Variants in AKT1 observed in about 807,000 individuals in gnomAD.
AKT1 encodes the protein RAC-alpha serine/threonine-protein kinase.
Under a neutral mutation model 63.1 loss-of-function variants are expected in AKT1, and 21 were observed. The ratio of observed to expected loss-of-function variants is 0.33; its 90% CI spans 0.24 to 0.48. AKT1 has a LOEUF of 0.48. Among genes scored for constraint, AKT1 ranks in the 20% least tolerant of loss-of-function variants. AKT1 has a pLI of 0.99. For missense variants in AKT1, 382 were observed against 666.0 expected, an observed-to-expected ratio of 0.57 and a Z score of 4.69; for synonymous variants, 257 against 253.1, an observed-to-expected ratio of 1.02 and a Z score of -0.15.
At chr14:104,780,513 G>A (rs1487375280) in intron 3 of AKT1, among the ~76,000 whole-genome samples, 3 of 152,176 alleles carry the variant, frequency 2.0e-5, no homozygotes, top group African/African-American at 7.2e-5. Flanking sequence ...AGGAGGCTGG[G>A]AAGAGGTCTG....
chr14:104,788,962 C>G (rs1893481878), intron 3 of AKT1, among the ~76,000 whole-genome samples: 1 of 152,222 alleles, frequency 6.6e-6, no homozygotes, highest in Non-Finnish European at 1.5e-5. Context: ...CCCGGCCAGG[C>G]ACCCAGATCC....
intron 3 of AKT1, among the ~76,000 whole-genome samples, chr14:104,789,395 C>T (rs1239140303): frequency 6.6e-6 from 1 of 152,232 alleles, no homozygotes; most frequent in Admixed American, 6.5e-5. Flanking sequence ...TGCAGCCAGG[C>T]TGGTGCACGG....
At chr14:104,774,682 C>T (rs568908209) in intron 8 of AKT1, 9 of 521,756 alleles carry the variant, frequency 1.7e-5, no homozygotes, top group East Asian at 9.6e-5. Flanking sequence ...CCTGGAGCCT[C>T]GGCAGAGTGC....
intron 8 of AKT1, chr14:104,774,687 G>A: frequency 1.9e-6 from 1 of 524,616 alleles, no homozygotes; most frequent in Non-Finnish European, 3.4e-6. Context: ...AGCCTCGGCA[G>A]AGTGCAAGGA....
At chr14:104,783,040 G>C (rs894483197) in intron 3 of AKT1, among the ~76,000 whole-genome samples, 2 of 152,158 alleles carry the variant, frequency 1.3e-5, no homozygotes, top group African/African-American at 4.8e-5. Flanking sequence ...GACGGGGCAG[G>C]TGGAGGAGAC....
chr14:104,776,721 G>T lies in AKT1; in HGVS notation c.225C>A (p.Ile75=), dbSNP rs587778019. Residue 75 remains isoleucine (I), a synonymous_variant, in exon 5 of 15, where the codon ATC becomes ATA. Coordinates refer to ENST00000649815, the MANE Select transcript of AKT1 (RefSeq NM_001382430.1). ...TGACAGTGGTCCACTGCAGGCAGCG[G>T]ATGATGAAGGTGTTGGGCCGGGGCC... is the stretch of plus-strand genomic sequence containing the variant. ...TERPRPNTFI[I]RCLQWTTVIE... The T allele has an allele frequency of 1.9e-6, 3 of 1,613,500 alleles. No homozygotes were observed. Among genetic ancestry groups the T allele is most frequent in the Non-Finnish European group, 2.5e-6 (3 of 1,179,862 alleles).
chr14:104,793,870 G>A (rs1044574669), intron 1 of AKT1: 1 of 152,258 alleles, frequency 6.6e-6, no homozygotes, highest in African/African-American at 2.4e-5. Context: ...CTGAGGGGAG[G>A]AGGGTCCTCT....
chr14:104,787,054 C>T (rs967849642), intron 3 of AKT1, among the ~76,000 whole-genome samples: 2 of 152,076 alleles, frequency 1.3e-5, no homozygotes, highest in Non-Finnish European at 2.9e-5. Context: ...TCACCGGGCC[C>T]GCCTGGGGGG....
At chr14:104,773,616 C>T (rs571107606) in intron 9 of AKT1, 36 bp from the exon 10 acceptor site, 137 of 1,580,844 alleles carry the variant, frequency 8.7e-5, no homozygotes, top group African/African-American at 2.9e-4. Flanking sequence ...AGCCGTGGCT[C>T]GGGCCTCTGC....
chr14:104,775,311 G>A (rs1409900999), intron 6 of AKT1, 104 bp from the exon 7 acceptor site: 1 of 1,559,364 alleles, frequency 6.4e-7, no homozygotes, highest in Non-Finnish European at 8.6e-7. Context: ...GGCAGAGCCA[G>A]GAGAGGCGTC....
rs587778018 is a variant in AKT1, at chr14:104,770,411, A to G, written c.1373T>C (p.Met458Thr). 3.3e-5 allele frequency: 53 copies of G among 1,611,304 alleles called. No individual in the cohort carries two copies. The East Asian group carries it at 1.0e-3, about 31-fold the overall frequency. The change falls in exon 15 of 15, where the codon ATG becomes ACG. Residue 458 changes from methionine to threonine, a missense_variant. Met to Thr is a moderately conservative substitution (Grantham distance 81, BLOSUM62 -1). This residue lies in a region of AKT1 where 90 missense variants were observed against 120.5 expected (regional missense o/e 0.75). Coordinates refer to ENST00000649815, the MANE Select transcript of AKT1 (RefSeq NM_001382430.1). The part of the protein sequence containing the change: ...TITPPDQDDS[M>T]ECVDSERRPH... ...CCTGCGCTCGCTGTCCACACACTCCATGCTGTCATCTGTGGGTGTAGACAG... is the reference window on the plus strand; with the variant it reads ...CCTGCGCTCGCTGTCCACACACTCCGTGCTGTCATCTGTGGGTGTAGACAG...
intron 3 of AKT1, among the ~76,000 whole-genome samples, chr14:104,789,651 G>C (rs1036817686): frequency 1.3e-5 from 2 of 152,216 alleles, no homozygotes; most frequent in Non-Finnish European, 2.9e-5. Context: ...AAACGTCTGA[G>C]CAACACTGAG....
chr14:104,777,661 G>A (rs961353858), intron 4 of AKT1: 10 of 986,376 alleles, frequency 1.0e-5, no homozygotes, highest in South Asian at 4.7e-5. Flanking sequence ...GTGTGTAGCC[G>A]CTGGGGCTCC....
intron 3 of AKT1, among the ~76,000 whole-genome samples, chr14:104,788,996 C>G (rs886727459): frequency 1.3e-5 from 2 of 152,232 alleles, no homozygotes; most frequent in African/African-American, 4.8e-5. Context: ...GCTGCCCACA[C>G]ACTCAGGAGC....
At chr14:104,780,939 G>A (rs1187548095) in intron 3 of AKT1, among the ~76,000 whole-genome samples, 1 of 152,204 alleles carries the variant, frequency 6.6e-6, no homozygotes, top group African/African-American at 2.4e-5. Context: ...CACAGAGGGT[G>A]CCAAGTCCCC....
intron 5 of AKT1, 25 bp downstream of exon 5, chr14:104,776,634 G>C (rs1892731026): frequency 1.2e-6 from 2 of 1,603,540 alleles, no homozygotes; most frequent in Non-Finnish European, 1.7e-6. Context: ...CCAAGTGCCT[G>C]GCCTGGCCGC....
In AKT1 at chr14:104,775,656, C is replaced by T. The variant is rs1060503071; in HGVS notation, c.431G>A (p.Arg144His). 9.9e-6 allele frequency: 16 copies of T among 1,613,766 alleles called. No homozygotes were observed. The highest frequency in any genetic ancestry group is 8.9e-5 in the East Asian group (4 of 44,880). ...MEVSLAKPKH[R>H]VTMNEFEYLK... ...AGAAGTGGGGACAGGCCTCACCACGCGGTGCTTGGGCTTGGCCAGGGACAC... is the reference window on the plus strand; with the variant it reads ...AGAAGTGGGGACAGGCCTCACCACGTGGTGCTTGGGCTTGGCCAGGGACAC... The change falls in exon 6 of 15, where the codon CGC (arginine) becomes CAC (histidine). Residue 144 changes from arginine to histidine, a missense_variant. By Grantham distance (29) the Arg-to-His change is conservative. This residue lies in a region of AKT1 where 226 missense variants were observed against 366.4 expected (regional missense o/e 0.62). Transcript: ENST00000649815.
At chr14:104,771,333 G>T in intron 13 of AKT1, 1 of 248,064 alleles carries the variant, frequency 4.0e-6, no homozygotes, top group Non-Finnish European at 7.9e-6. Context: ...GACTCTCAAT[G>T]ACCCAGGATG....
chr14:104,773,644 CT>C (rs1892533700), intron 9 of AKT1, 64 bp from the exon 10 acceptor site: 2 of 1,549,986 alleles, frequency 1.3e-6, no homozygotes, highest in African/African-American at 2.7e-5. Flanking sequence ...GCCTGCAGGG[CT>C]GGGGTTTCTC....
Sources: gnomAD v4.1 joint callset for allele counts (sites outside exome capture counted in the v4.1 genomes callset) on GRCh38, gnomAD v4.1.1 for gene constraint, gnomAD v4.1.1 regional missense constraint, MANE v1.5 for transcripts, NCBI Gene and HGNC (gene_info 2026-07-23, HGNC 2026-07-21) for gene names.